Variants in SGSM1 observed in about 807,000 individuals in gnomAD.
SGSM1 encodes small G protein signaling modulator 1.
SGSM1 carries 73 observed loss-of-function variants against 133.8 expected under a neutral mutation model. The observed-to-expected ratio is 0.55, with a 90% CI of 0.45 to 0.66. The LOEUF (loss-of-function observed/expected upper bound fraction) is 0.66, where lower values mean the gene tolerates loss of function less well. SGSM1 is among the 30% of genes least tolerant of loss of function. SGSM1 has a pLI of 0.00. For missense variants in SGSM1, 1,213 were observed against 1,448.1 expected (o/e 0.84, Z 2.64); for synonymous variants, 563 against 573.0 (o/e 0.98, Z 0.25).
intron 2 of SGSM1, among the ~76,000 whole-genome samples, chr22:24,808,909 T>G (rs1056862315): frequency 3.9e-5 from 6 of 152,188 alleles, no homozygotes; most frequent in African/African-American, 1.4e-4. Context: ...AGCCACACTC[T>G]GACCCTCCCA....
chr22:24,908,629 T>C (rs912146266), intron 21 of SGSM1, among the ~76,000 whole-genome samples: 4 of 151,798 alleles, frequency 2.6e-5, no homozygotes, highest in Non-Finnish European at 5.9e-5. Context: ...GGTGAAACCC[T>C]GTCTCTACTA....
At chr22:24,896,303 G>A (rs1176633651) in intron 18 of SGSM1, among the ~76,000 whole-genome samples, 1 of 151,962 alleles carries the variant, frequency 6.6e-6, no homozygotes, top group Non-Finnish European at 1.5e-5. Context: ...TGACTCTGAA[G>A]CTAGGTAAAC....
At chr22:24,904,449 G>A (rs1040308239) in intron 20 of SGSM1, among the ~76,000 whole-genome samples, 2 of 151,806 alleles carry the variant, frequency 1.3e-5, no homozygotes, top group Non-Finnish European at 2.9e-5. Context: ...GCGAGGTGGC[G>A]GGCGCCTGTA....
chr22:24,838,395 G>A (rs1161899196), intron 2 of SGSM1, among the ~76,000 whole-genome samples: 2 of 152,198 alleles, frequency 1.3e-5, no homozygotes, highest in African/African-American at 4.8e-5. Context: ...ATGCAACAAT[G>A]TGTAAGAAAA....
chr22:24,860,652 C>T lies in SGSM1; in HGVS notation c.926+812C>T, dbSNP rs1398300850. ...GTGTGGTGGCTCACACCTGTAATCC[C>T]AGTGCTTTGGGAGGCTGAGGCGGGT... On this transcript the variant is annotated intron_variant, in intron 9 of 24. Coordinates refer to ENST00000400358, the MANE Select transcript of SGSM1 (RefSeq NM_001098497.3). Among the ~76,000 whole-genome samples, 5 of 151,984 alleles carry T rather than the reference C, an allele frequency of 3.3e-5. No individual in the cohort carries two copies. The East Asian group carries it at 9.7e-4, about 29-fold the overall frequency.
chr22:24,899,615 C>G (rs1437707950), intron 19 of SGSM1, among the ~76,000 whole-genome samples: 1 of 151,072 alleles, frequency 6.6e-6, no homozygotes, highest in Non-Finnish European at 1.5e-5. Flanking sequence ...CTCTGCGTCC[C>G]GAATTCATGC....
chr22:24,924,543 G>T lies in SGSM1; in HGVS notation c.*269G>T. ...TCCCTTGCAGGAGGTGGAGGTTGTT[G>T]GTGGAGGAGGAGCCATCTTTGTTTG... is the stretch of plus-strand genomic sequence containing the variant. On this transcript the variant is annotated 3_prime_UTR_variant, in exon 25 of 25. Coordinates refer to ENST00000400358, the MANE Select transcript of SGSM1 (RefSeq NM_001098497.3). The T allele has an allele frequency of 2.1e-6, 1 of 480,572 alleles. No homozygotes were observed. The highest frequency in any genetic ancestry group is 3.8e-6 in the Non-Finnish European group (1 of 265,860). The allele number at this position is 480,572 out of a possible 1,614,324, so 29.8% of individuals were successfully genotyped here. A position where few individuals can be genotyped will look rare whatever the true frequency, so the allele number is the denominator to read the frequency against.
chr22:24,873,924 G>C (rs73155792), intron 12 of SGSM1, among the ~76,000 whole-genome samples: 2,918 of 152,228 alleles, frequency 0.019, 57 homozygotes, highest in East Asian at 0.093. Flanking sequence ...GTGGTTTTGG[G>C]CATGTTGCTT....
chr22:24,853,672 T>C (rs543993706), intron 5 of SGSM1, among the ~76,000 whole-genome samples: 3 of 151,904 alleles, frequency 2.0e-5, no homozygotes, highest in East Asian at 3.9e-4. Context: ...AGTGGCGCCA[T>C]CTTGGCTCAC....
intron 19 of SGSM1, among the ~76,000 whole-genome samples, chr22:24,899,326 A>G (rs6004351): frequency 0.03 from 4,533 of 152,072 alleles, 215 homozygotes; most frequent in African/African-American, 0.1. Flanking sequence ...TGTGTGTCCA[A>G]GGACTTCTCC....
chr22:24,868,707 G>A lies in SGSM1; in HGVS notation c.1159-16G>A, dbSNP rs760028393. On this transcript the variant is annotated splice_polypyrimidine_tract_variant and intron_variant, in intron 11 of 24. Coordinates refer to ENST00000400358, the MANE Select transcript of SGSM1 (RefSeq NM_001098497.3). Reference sequence around the variant, plus strand: ...GATGTGTCCCAAGGACCTTGTTTTGGGACATGTTTTTGCAGGGCAAAGTGT... The same window carrying A: ...GATGTGTCCCAAGGACCTTGTTTTGAGACATGTTTTTGCAGGGCAAAGTGT... The A allele has an allele frequency of 5.0e-6, 8 of 1,613,378 alleles. No individual in the cohort carries two copies. Among genetic ancestry groups the A allele is most frequent in the Non-Finnish European group, 6.8e-6 (8 of 1,179,566 alleles).
At chr22:24,891,450 A>G (rs2123689888) in intron 16 of SGSM1, among the ~76,000 whole-genome samples, 1 of 152,274 alleles carries the variant, frequency 6.6e-6, no homozygotes, top group African/African-American at 2.4e-5. Context: ...CCCTGGGGTA[A>G]TCAGAAAAGT....
intron 18 of SGSM1, among the ~76,000 whole-genome samples, chr22:24,895,951 A>C (rs1932904611): frequency 1.3e-5 from 2 of 152,250 alleles, no homozygotes; most frequent in African/African-American, 4.8e-5. Flanking sequence ...CCGGAGGCTA[A>C]GGTGGGAGAA....
At chr22:24,894,294 G>A (rs1014727808) in intron 17 of SGSM1, among the ~76,000 whole-genome samples, 1 of 152,190 alleles carries the variant, frequency 6.6e-6, no homozygotes, top group Admixed American at 6.5e-5. Flanking sequence ...TTGAGAGGCC[G>A]AGGCAGGAGA....
intron 5 of SGSM1, among the ~76,000 whole-genome samples, chr22:24,853,530 G>C (rs1930597037): frequency 6.6e-6 from 1 of 152,128 alleles, no homozygotes; most frequent in Non-Finnish European, 1.5e-5. Flanking sequence ...CCCAAAACTG[G>C]GAACAAAAAG....
intron 22 of SGSM1, among the ~76,000 whole-genome samples, chr22:24,914,817 G>A (rs990497830): frequency 2.6e-5 from 4 of 152,084 alleles, no homozygotes; most frequent in Non-Finnish European, 2.9e-5. Context: ...GGAGTACAAC[G>A]CATTCTATCA....
At chr22:24,885,184 C>T (rs1932533465) in intron 15 of SGSM1, among the ~76,000 whole-genome samples, 2 of 152,132 alleles carry the variant, frequency 1.3e-5, no homozygotes, top group Non-Finnish European at 2.9e-5. Context: ...GTCTGCCCGC[C>T]TCAGCCTCCC....
Position 24,901,921 on chromosome 22 carries a change from C to T in SGSM1, c.2699C>T (p.Pro900Leu). 6.3e-7 allele frequency: 1 copy of T among 1,599,958 alleles called. No homozygotes were observed. The highest frequency in any genetic ancestry group is 8.5e-7 in the Non-Finnish European group (1 of 1,173,676). The change falls in exon 20 of 25, where the codon CCC becomes CTC. Residue 900 changes from proline to leucine, a missense_variant. By Grantham distance (98) the Pro-to-Leu change is moderately conservative. Transcript: ENST00000400358. ...RCDRNYWYFT[P>L]ANLEKLRNIM... ...GACCGCAACTACTGGTACTTCACGC[C>T]CGCCAACTTGGAGAAGCTGCGTAAC... is the stretch of plus-strand genomic sequence containing the variant.
chr22:24,881,172 G>A (rs1932295522), intron 14 of SGSM1, among the ~76,000 whole-genome samples: 1 of 118,888 alleles, frequency 8.4e-6, no homozygotes, highest in African/African-American at 3.3e-5. Context: ...CAGCCTGGGT[G>A]ACAAAGCAAG....
Sources: allele counts gnomAD v4.1 joint callset (sites outside exome capture counted in the v4.1 genomes callset), GRCh38; gene constraint gnomAD v4.1.1; transcripts MANE v1.5; gene names NCBI Gene and HGNC (gene_info 2026-07-23, HGNC 2026-07-21).